Variants in SLC35A1 observed in about 807,000 individuals in gnomAD.
SLC35A1 encodes solute carrier family 35 member A1.
Under a neutral mutation model 40.3 loss-of-function variants are expected in SLC35A1, and 21 were observed. The observed-to-expected ratio is 0.52, with a 90% CI of 0.37 to 0.75. The LOEUF (loss-of-function observed/expected upper bound fraction) is 0.75. SLC35A1 is among the 30% of genes least tolerant of loss of function. SLC35A1 has a pLI of 0.00. For synonymous variants in SLC35A1, 146 were observed against 147.3 expected (o/e 0.99, Z 0.06); for missense variants, 297 against 382.1 (o/e 0.78, Z 1.86).
intron 2 of SLC35A1, chr6:87,499,133 G>C (rs1437368853): frequency 2.2e-5 from 22 of 983,854 alleles, no homozygotes; most frequent in Non-Finnish European, 2.7e-5. Flanking sequence ...TTTTCTTGGA[G>C]GTAGAATGTT....
chr6:87,497,098 G>T (rs943060923), intron 2 of SLC35A1, among the ~76,000 whole-genome samples: 2 of 151,780 alleles, frequency 1.3e-5, no homozygotes, highest in Admixed American at 6.6e-5. Flanking sequence ...TTTCTGTGTG[G>T]TGAGATTCCC....
chr6:87,509,233 C>G (rs1364807112), intron 7 of SLC35A1, 58 bp downstream of exon 7: 5 of 1,600,832 alleles, frequency 3.1e-6, no homozygotes, highest in Non-Finnish European at 4.3e-6. Context: ...TTCCTTGATT[C>G]ATTTAATCCC....
intron 1 of SLC35A1, among the ~76,000 whole-genome samples, chr6:87,475,456 T>G (rs891080707): frequency 6.6e-6 from 1 of 152,228 alleles, no homozygotes; most frequent in African/African-American, 2.4e-5. Context: ...GGAAGTATTA[T>G]AGTGATCTCC....
At chr6:87,495,864 T>C (rs1379755925) in intron 2 of SLC35A1, among the ~76,000 whole-genome samples, 1 of 151,962 alleles carries the variant, frequency 6.6e-6, no homozygotes, top group Non-Finnish European at 1.5e-5. Context: ...ACCGTGTAAA[T>C]CAGGATGGTC....
chr6:87,495,365 C>T (rs998926029), intron 2 of SLC35A1, among the ~76,000 whole-genome samples: 1 of 152,180 alleles, frequency 6.6e-6, no homozygotes. Context: ...TAGTAACAAA[C>T]CAAATATATC....
chr6:87,496,647 G>T (rs1383087139), intron 2 of SLC35A1, among the ~76,000 whole-genome samples: 1 of 151,784 alleles, frequency 6.6e-6, no homozygotes, highest in African/African-American at 2.4e-5. Flanking sequence ...AGGTGTGGTG[G>T]TGTGCACCTG....
At chr6:87,504,195 G>T (rs532594562) in intron 4 of SLC35A1, among the ~76,000 whole-genome samples, 2 of 151,810 alleles carry the variant, frequency 1.3e-5, no homozygotes, top group African/African-American at 4.8e-5. Flanking sequence ...GGAAGCTGAG[G>T]TGGGAGGATC....
Position 87,500,527 on chromosome 6 carries a change from A to G in SLC35A1, c.214A>G (p.Arg72Gly). Reference protein sequence around the residue: ...ILAKETGSLGRFKASLRENVL... With the variant: ...ILAKETGSLGGFKASLRENVL... ...TCAAAGAGAAACTGGTAGTCTGGGT[A>G]GATTCAAAGCATCTTTAAGAGAAAA... Residue 72 changes from arginine to glycine, a missense_variant, in exon 3 of 8, where the codon AGA becomes GGA. Physicochemically the swap from Arg to Gly is moderately radical, Grantham distance 125 (BLOSUM62 -2). Transcript: ENST00000369552. 6.2e-7 allele frequency: 1 copy of G among 1,614,092 alleles called. No homozygotes were observed. Among genetic ancestry groups the G allele is most frequent in the Non-Finnish European group, 8.5e-7 (1 of 1,179,988 alleles).
At position 87,477,411 on chromosome 6, in the gene SLC35A1, G is replaced by T; in HGVS notation, c.66G>T (p.Leu22=). The T allele has an allele frequency of 6.2e-7, 1 of 1,613,886 alleles. No homozygotes were observed. Among genetic ancestry groups the T allele is most frequent in the South Asian group, 1.1e-5 (1 of 91,068 alleles). Residue 22 remains leucine, a synonymous_variant, in exon 2 of 8, where the codon CTG becomes CTT. Coordinates refer to ENST00000369552, the MANE Select transcript of SLC35A1 (RefSeq NM_006416.5). ...FKLYCLAVMT[L]MAAVYTIALR... ...TATACTGCTTGGCAGTGATGACCCT[G>T]ATGGCTGCAGTCTATACCATAGCTT... is the stretch of plus-strand genomic sequence containing the variant.
intron 4 of SLC35A1, among the ~76,000 whole-genome samples, chr6:87,501,574 G>A (rs1350888857): frequency 6.6e-6 from 1 of 152,118 alleles, no homozygotes; most frequent in Admixed American, 6.5e-5. Flanking sequence ...TCCATTTTAT[G>A]GATGACAGTC....
intron 1 of SLC35A1, 113 bp from the exon 2 acceptor site, chr6:87,477,249 G>T: frequency 9.6e-7 from 1 of 1,044,202 alleles, no homozygotes; most frequent in South Asian, 1.5e-5. Flanking sequence ...ATGAGTTTTA[G>T]AAAATATTTT....
chr6:87,498,134 G>A (rs1409692824), intron 2 of SLC35A1, among the ~76,000 whole-genome samples: 1 of 152,142 alleles, frequency 6.6e-6, no homozygotes, highest in East Asian at 1.9e-4. Flanking sequence ...GGTTTAGCAT[G>A]AAGAATCTTA....
intron 2 of SLC35A1, among the ~76,000 whole-genome samples, chr6:87,484,196 G>A (rs961741043): frequency 2.0e-5 from 3 of 152,090 alleles, no homozygotes; most frequent in Non-Finnish European, 2.9e-5. Context: ...TCCTTGCACT[G>A]GGCGGGTCCT....
rs1418801856 is a variant in SLC35A1 at position 87,510,131 on chromosome 6, GAAT to G, written c.886+961_886+963del. ...GACACTTTCTTCATCTGTAAAATGGGAATAATATCACCTATTGCCTAGTGGTGT... is the reference window on the plus strand; with the variant it reads ...GACACTTTCTTCATCTGTAAAATGGGAATATCACCTATTGCCTAGTGGTGT... On this transcript the variant is annotated intron_variant, in intron 7 of 7. Coordinates refer to ENST00000369552, the MANE Select transcript of SLC35A1 (RefSeq NM_006416.5). 1.4e-4 allele frequency among the ~76,000 whole-genome samples: 21 copies of G among 152,256 alleles called. No individual in the cohort carries two copies. In the East Asian group the frequency reaches 4.1e-3, roughly 29 times the overall value.
chr6:87,511,572 TA>T lies in SLC35A1; in HGVS notation c.*49del. On this transcript the variant is annotated 3_prime_UTR_variant, in exon 8 of 8. Transcript: ENST00000369552. ...CCTTTTAAGACTAAACCATTTGCAT[TA>T]AACTAGAGCCTTAAGTCAATCTCAG... The T allele has an allele frequency of 6.3e-7, 1 of 1,599,306 alleles. No individual in the cohort carries two copies. Among genetic ancestry groups the T allele is most frequent in the Non-Finnish European group, 8.6e-7 (1 of 1,166,856 alleles).
chr6:87,483,179 TTC>T (rs960196451), intron 2 of SLC35A1, among the ~76,000 whole-genome samples: 1 of 151,676 alleles, frequency 6.6e-6, no homozygotes, highest in Admixed American at 6.6e-5. Context: ...CTCTCTCTCT[TTC>T]TCTCTCTCTG....
At chr6:87,473,953 T>C (rs1422130843) in intron 1 of SLC35A1, among the ~76,000 whole-genome samples, 2 of 151,710 alleles carry the variant, frequency 1.3e-5, no homozygotes, top group Admixed American at 1.3e-4. Flanking sequence ...GGGGTCCATG[T>C]TTCTCATCAG....
chr6:87,479,723 C>T (rs1159072906), intron 2 of SLC35A1, among the ~76,000 whole-genome samples: 2 of 152,216 alleles, frequency 1.3e-5, no homozygotes, highest in African/African-American at 2.4e-5. Flanking sequence ...TTAACAGCAT[C>T]TCTAGTGTAG....
Position 87,511,618 on chromosome 6 carries a change from A to AAAATT in SLC35A1, c.*95_*99dup. ...TCTCAGAAGGTAGCATAAACAAATA[A>AAAATT]AAATTAACTGTATGGCATGATCAGT... On this transcript the variant is annotated 3_prime_UTR_variant, in exon 8 of 8. Coordinates refer to ENST00000369552, the MANE Select transcript of SLC35A1 (RefSeq NM_006416.5). 7.2e-7 allele frequency: 1 copy of AAAATT among 1,379,352 alleles called. No homozygotes were observed. Among genetic ancestry groups the AAAATT allele is most frequent in the Non-Finnish European group, 1.0e-6 (1 of 967,216 alleles). The allele number at this position is 1,379,352 out of a possible 1,614,324, so 85.4% of individuals were successfully genotyped here.
Sources: allele counts gnomAD v4.1 joint callset (sites outside exome capture counted in the v4.1 genomes callset), GRCh38; gene constraint gnomAD v4.1.1; transcripts MANE v1.5; gene names NCBI Gene and HGNC (gene_info 2026-07-23, HGNC 2026-07-21).